Variants in GRIK1 observed in about 807,000 individuals in gnomAD.
The protein encoded by GRIK1 is glutamate receptor ionotropic, kainate 1.
In GRIK1, 69 loss-of-function variants were observed where a neutral mutation model predicts 105.7. The observed-to-expected ratio is 0.65, with a 90% CI of 0.54 to 0.80. GRIK1 has a LOEUF of 0.80. Ranked by LOEUF, GRIK1 falls within the 30% of genes least tolerant of loss-of-function variation. GRIK1 has a pLI of 0.00. For missense variants in GRIK1, 1,109 were observed against 1,167.3 expected, an observed-to-expected ratio of 0.95 and a Z score of 0.73; for synonymous variants, 438 against 431.3, an observed-to-expected ratio of 1.02 and a Z score of -0.19.
intron 3 of GRIK1, among the ~76,000 whole-genome samples, chr21:29,675,305 G>C (rs1159217045): frequency 1.3e-5 from 2 of 152,098 alleles, no homozygotes; most frequent in Non-Finnish European, 2.9e-5. Flanking sequence ...AAAAAATAGA[G>C]ACTCCAGGCT....
At chr21:29,699,492 AACCTG>A (rs1174752413) in intron 1 of GRIK1, among the ~76,000 whole-genome samples, 3 of 149,708 alleles carry the variant, frequency 2.0e-5, no homozygotes, top group Non-Finnish European at 4.4e-5. Flanking sequence ...GGAGAAACCA[AACCTG>A]CCGACACCTC....
intron 1 of GRIK1, among the ~76,000 whole-genome samples, chr21:29,866,962 G>A (rs468771): frequency 0.26 from 39,741 of 152,106 alleles, 5,870 homozygotes; most frequent in East Asian, 0.41. Flanking sequence ...CATTCAGCAT[G>A]TGAGCCTCAC....
intron 1 of GRIK1, among the ~76,000 whole-genome samples, chr21:29,870,530 C>T (rs866398541): frequency 1.3e-5 from 2 of 151,232 alleles, no homozygotes; most frequent in Non-Finnish European, 2.9e-5. Context: ...ATACATATAA[C>T]ATATTTTATT....
At chr21:29,906,275 C>T (rs778860024) in intron 1 of GRIK1, among the ~76,000 whole-genome samples, 2 of 152,092 alleles carry the variant, frequency 1.3e-5, no homozygotes, top group Non-Finnish European at 2.9e-5. Flanking sequence ...CCTCACATGG[C>T]TAAAAGAAAC....
At chr21:29,849,289 T>C (rs1237242889) in intron 1 of GRIK1, among the ~76,000 whole-genome samples, 1 of 152,234 alleles carries the variant, frequency 6.6e-6, no homozygotes, top group Admixed American at 6.5e-5. Context: ...AAATGTTTGC[T>C]GAATTAAATC....
At chr21:29,620,880 G>A (rs1028581598) in intron 7 of GRIK1, among the ~76,000 whole-genome samples, 2 of 133,816 alleles carry the variant, frequency 1.5e-5, no homozygotes, top group African/African-American at 5.7e-5. Context: ...TTATTTCCTA[G>A]AGCAATGTGT....
At chr21:29,829,856 C>A (rs1431330834) in intron 1 of GRIK1, among the ~76,000 whole-genome samples, 1 of 152,106 alleles carries the variant, frequency 6.6e-6, no homozygotes, top group South Asian at 2.1e-4. Context: ...GAAACATTTT[C>A]ACAGAGAAGA....
intron 7 of GRIK1, among the ~76,000 whole-genome samples, chr21:29,604,294 T>C (rs2061572813): frequency 6.6e-6 from 1 of 152,194 alleles, no homozygotes; most frequent in Admixed American, 6.5e-5. Flanking sequence ...AATATCTACA[T>C]AGACTCCCTG....
chr21:29,545,327 C>A (rs1250775352), intron 16 of GRIK1, among the ~76,000 whole-genome samples: 1 of 152,182 alleles, frequency 6.6e-6, no homozygotes, highest in South Asian at 2.1e-4. Context: ...CCACACAGTG[C>A]CTTTCTCCTC....
Position 29,938,574 on chromosome 21 carries a change from A to T in GRIK1, c.118+809T>A, listed in dbSNP as rs1263574738. 2.0e-5 allele frequency among the ~76,000 whole-genome samples: 3 copies of T among 152,040 alleles called. No individual in the cohort carries two copies. The South Asian group carries it at 6.2e-4, about 32-fold the overall frequency. On this transcript the variant is annotated intron_variant, in intron 1 of 17. Transcript: ENST00000327783. Reference sequence around the variant, plus strand: ...CCTTCCACTGTCCTTGCGTTTTGTCATCTTTGGGCTGCCCACATTCAGCTT... The same window carrying T: ...CCTTCCACTGTCCTTGCGTTTTGTCTTCTTTGGGCTGCCCACATTCAGCTT...
At chr21:29,760,840 T>C (rs2065493510) in intron 1 of GRIK1, among the ~76,000 whole-genome samples, 1 of 152,170 alleles carries the variant, frequency 6.6e-6, no homozygotes, top group African/African-American at 2.4e-5. Context: ...CTGTCAGTGA[T>C]TCACAGCTCA....
chr21:29,907,233 A>G (rs1442030847), intron 1 of GRIK1, among the ~76,000 whole-genome samples: 1 of 151,962 alleles, frequency 6.6e-6, no homozygotes, highest in Non-Finnish European at 1.5e-5. Context: ...AATGAAATTC[A>G]GAGTCCCTAA....
At chr21:29,937,015 G>A (rs2071781667) in intron 1 of GRIK1, among the ~76,000 whole-genome samples, 1 of 152,044 alleles carries the variant, frequency 6.6e-6, no homozygotes, top group Admixed American at 6.6e-5. Context: ...TGCTTGGATG[G>A]GTGATGGTTT....
At chr21:29,715,587 T>C (rs539920752) in intron 1 of GRIK1, among the ~76,000 whole-genome samples, 6,497 of 151,264 alleles carry the variant, frequency 0.043, 197 homozygotes, top group Non-Finnish European at 0.066. Context: ...ATCGCTTGCC[T>C]CCCCCTAATG....
chr21:29,669,009 G>A (rs1454016324), intron 4 of GRIK1, among the ~76,000 whole-genome samples: 1 of 152,106 alleles, frequency 6.6e-6, no homozygotes, highest in Non-Finnish European at 1.5e-5. Flanking sequence ...CTGGTTTATG[G>A]AAATTTTCCA....
intron 3 of GRIK1, among the ~76,000 whole-genome samples, chr21:29,677,020 G>T (rs943098256): frequency 6.6e-6 from 1 of 152,120 alleles, no homozygotes; most frequent in African/African-American, 2.4e-5. Flanking sequence ...AACGAGAAAG[G>T]TCCTTCCTAG....
chr21:29,921,178 T>A (rs1417956804), intron 1 of GRIK1, among the ~76,000 whole-genome samples: 1 of 149,852 alleles, frequency 6.7e-6, no homozygotes, highest in African/African-American at 2.5e-5. Context: ...AACAGAAATG[T>A]CCTCAGACAT....
chr21:29,832,244 C>T (rs193094373), intron 1 of GRIK1, among the ~76,000 whole-genome samples: 1 of 152,282 alleles, frequency 6.6e-6, no homozygotes, highest in Admixed American at 6.5e-5. Flanking sequence ...TGTTGAGTGC[C>T]TGTGGCTTTT....
rs532198927 is a variant in GRIK1, at chr21:29,837,178, C to A, written c.118+102205G>T. On this transcript the variant is annotated intron_variant, in intron 1 of 17. Coordinates refer to ENST00000327783, the MANE Select transcript of GRIK1 (RefSeq NM_001330994.2). ...AATTAATCTTTTCTGGTTTTCACAC[C>A]CCTTATATTTTCTGGTATCTCTCTC... Among the ~76,000 whole-genome samples the A allele has an allele frequency of 3.4e-3, 510 of 152,216 alleles. 2 individuals carry two copies. Among genetic ancestry groups the A allele is most frequent in the African/African-American group, 0.012 (487 of 41,544 alleles).
Sources: gnomAD v4.1 joint callset for allele counts (sites outside exome capture counted in the v4.1 genomes callset) on GRCh38, gnomAD v4.1.1 for gene constraint, MANE v1.5 for transcripts, NCBI Gene and HGNC (gene_info 2026-07-23, HGNC 2026-07-21) for gene names.